The following TMEM71 variants were observed in gnomAD, a reference collection of about 807,000 sequenced individuals.
TMEM71 encodes transmembrane protein 71.
Under a neutral mutation model 38.0 loss-of-function variants are expected in TMEM71, and 44 were observed. The ratio of observed to expected loss-of-function variants is 1.16; its 90% confidence interval spans 0.91 to 1.49. The LOEUF is 1.49. Among genes scored for constraint, TMEM71 ranks in the 40% most tolerant of loss-of-function variants. The pLI, the probability that TMEM71 is intolerant of heterozygous loss-of-function variation, is 0.00. For missense variants in TMEM71, 367 were observed against 348.6 expected, an observed-to-expected ratio of 1.05 and a Z score of -0.42; for synonymous variants, 133 against 122.5, an observed-to-expected ratio of 1.09 and a Z score of -0.56.
chr8:132,721,980 A>C, intron 7 of TMEM71, 60 bp downstream of exon 7: 1 of 1,394,792 alleles, frequency 7.2e-7, no homozygotes, highest in Non-Finnish European at 1.0e-6. Flanking sequence ...GGAAATCATC[A>C]ATCAGCTATA....
chr8:132,731,146 C>T (rs1389510260), intron 5 of TMEM71, among the ~76,000 whole-genome samples: 1 of 152,056 alleles, frequency 6.6e-6, no homozygotes, highest in African/African-American at 2.4e-5. Flanking sequence ...TACTTTTTTA[C>T]AGCTGTGATA....
intron 7 of TMEM71, among the ~76,000 whole-genome samples, chr8:132,717,911 T>C (rs1384303740): frequency 1.3e-5 from 2 of 152,192 alleles, no homozygotes; most frequent in Admixed American, 6.5e-5. Context: ...TATTCTTCCA[T>C]AGAAAAGGAT....
chr8:132,714,343 G>T, intron 7 of TMEM71, 128 bp from the exon 8 acceptor site: 1 of 736,004 alleles, frequency 1.4e-6, no homozygotes, highest in East Asian at 2.5e-5. Flanking sequence ...AAAGACAGTG[G>T]TATTGGAAAA....
rs999684180 is a variant in TMEM71, at chr8:132,760,571, G to A, written c.-132C>T. The A allele has an allele frequency of 2.6e-5, 4 of 152,254 alleles. No individual in the cohort carries two copies. Among genetic ancestry groups the A allele is most frequent in the Non-Finnish European group, 4.4e-5 (3 of 68,064 alleles). The allele number at this position is 152,254 out of a possible 1,614,324, so 9.4% of individuals were successfully genotyped here. Reference sequence around the variant, plus strand: ...CTCTTGTTCTCTTGTCTGTTTCCTGGTATAAATGAGTGTATAGTTCTTGGG... The same window carrying A: ...CTCTTGTTCTCTTGTCTGTTTCCTGATATAAATGAGTGTATAGTTCTTGGG... On this transcript the variant is annotated 5_prime_UTR_variant, in exon 1 of 10. Transcript: ENST00000677595.
intron 2 of TMEM71, chr8:132,758,595 A>T: frequency 2.0e-6 from 1 of 501,014 alleles, no homozygotes; most frequent in Non-Finnish European, 3.5e-6. Context: ...TTTCACATTT[A>T]TGCACAGGCA....
At chr8:132,733,521 T>A (rs1827576228) in intron 5 of TMEM71, among the ~76,000 whole-genome samples, 1 of 152,212 alleles carries the variant, frequency 6.6e-6, no homozygotes, top group South Asian at 2.1e-4. Context: ...TTGGGGGTTT[T>A]GGACTGGGAA....
intron 5 of TMEM71, among the ~76,000 whole-genome samples, chr8:132,745,116 GA>G (rs1263587708): frequency 1.4e-4 from 21 of 152,098 alleles, no homozygotes; most frequent in Non-Finnish European, 2.2e-4. Context: ...ATCAGCCTTG[GA>G]AAATAATTTA....
chr8:132,751,436 T>G (rs1246537485), intron 4 of TMEM71, among the ~76,000 whole-genome samples: 7 of 152,240 alleles, frequency 4.6e-5, no homozygotes, highest in Non-Finnish European at 7.3e-5. Flanking sequence ...TCTCCTTTCT[T>G]TTATCCCTTC....
chr8:132,730,528 G>C (rs1827394700), intron 5 of TMEM71, among the ~76,000 whole-genome samples: 1 of 152,212 alleles, frequency 6.6e-6, no homozygotes, highest in Admixed American at 6.5e-5. Context: ...GAGATGATGG[G>C]AGTAGCCAGG....
the TMEM71 span, among the ~76,000 whole-genome samples, chr8:132,768,731 C>T: frequency 1.8e-4 from 28 of 152,320 alleles, no homozygotes; most frequent in East Asian, 5.2e-3. Context: ...AGGCAAACCA[C>T]GAGCTGTGCA....
downstream of TMEM71, among the ~76,000 whole-genome samples, chr8:132,709,146 T>C (rs1826136987): frequency 6.6e-6 from 1 of 152,190 alleles, no homozygotes; most frequent in African/African-American, 2.4e-5. Context: ...TGTAGAAAAA[T>C]GTGTGTTACA....
In TMEM71 at chr8:132,751,685, TG is replaced by T. The variant is rs1828717140; in HGVS notation, c.314+99del. The T allele has an allele frequency of 3.5e-6, 4 of 1,151,528 alleles. No individual in the cohort carries two copies. The Admixed American group carries it at 7.1e-5, about 21-fold the overall frequency. 71.3% of individuals were successfully genotyped at this position (1,151,528 alleles called of 1,614,324 possible). A position where few individuals can be genotyped will look rare whatever the true frequency, so the allele number is the denominator to read the frequency against. ...GTATTTCCACAGTCTGGAGCAATAA[TG>T]GGCTCCTTATAAAAGATAGTTGAGT... On this transcript the variant is annotated intron_variant, in intron 4 of 9. Transcript: ENST00000677595.
At position 132,747,028 on chromosome 8, in the gene TMEM71, A is replaced by T. The variant is rs547122423; in HGVS notation, c.401T>A (p.Ile134Asn). ...STSKSWLHGS[I>N]FGDINSSPSE... Reference sequence around the variant, plus strand: ...TGGAGAAGAGTTGATGTCACCAAAGATACTTCCATGCAGCCAAGATTTGGA... The same window carrying T: ...TGGAGAAGAGTTGATGTCACCAAAGTTACTTCCATGCAGCCAAGATTTGGA... The change falls in exon 5 of 10, where the codon ATC becomes AAC. Residue 134 changes from isoleucine to asparagine, a missense_variant. Physicochemically the swap from Ile to Asn is moderately radical, Grantham distance 149. Coordinates refer to ENST00000677595, the MANE Select transcript of TMEM71 (RefSeq NM_001382403.1). The T allele has an allele frequency of 5.0e-6, 8 of 1,613,768 alleles. No homozygotes were observed. Among genetic ancestry groups the T allele is most frequent in the Non-Finnish European group, 6.8e-6 (8 of 1,179,934 alleles).
rs749744093 is a variant in TMEM71 at position 132,738,879 on chromosome 8, C to T, written c.487+8063G>A. Among the ~76,000 whole-genome samples the T allele has an allele frequency of 7.0e-5, 10 of 143,160 alleles. No homozygotes were observed. In the South Asian group the frequency reaches 1.1e-3, roughly 16 times the overall value. 93.9% of individuals were successfully genotyped at this position (143,160 alleles called of 152,430 possible). ...ACATGCACACACACACACACACACA[C>T]AGGAATATATGTAAAAATTGGTGGA... On this transcript the variant is annotated intron_variant, in intron 5 of 9. Transcript: ENST00000677595.
intron 9 of TMEM71, among the ~76,000 whole-genome samples, chr8:132,712,638 G>C (rs1037307097): frequency 6.6e-6 from 1 of 151,962 alleles, no homozygotes; most frequent in Admixed American, 6.5e-5. Context: ...CCACATGCTG[G>C]GGCATTCACA....
chr8:132,747,133 A>G lies in TMEM71; in HGVS notation c.315-19T>C. The G allele has an allele frequency of 1.3e-6, 2 of 1,564,532 alleles. No homozygotes were observed. The highest frequency in any genetic ancestry group is 1.7e-6 in the Non-Finnish European group (2 of 1,156,370). On this transcript the variant is annotated intron_variant, in intron 4 of 9. Transcript: ENST00000677595. ...AAATATCCTAGAGAGAAATGAAAGCATGGTGAACAACGAATAATAGTTACC... is the reference window on the plus strand; with the variant it reads ...AAATATCCTAGAGAGAAATGAAAGCGTGGTGAACAACGAATAATAGTTACC...
At chr8:132,746,665 A>G (rs1039693792) in intron 5 of TMEM71, among the ~76,000 whole-genome samples, 8 of 151,894 alleles carry the variant, frequency 5.3e-5, no homozygotes, top group Non-Finnish European at 1.0e-4. Context: ...AATATCCCTT[A>G]CAGAAAAAAT....
intron 7 of TMEM71, among the ~76,000 whole-genome samples, chr8:132,718,398 C>CTTTTTT (rs36014367): frequency 7.8e-6 from 1 of 128,492 alleles, no homozygotes; most frequent in African/African-American, 3.0e-5. Flanking sequence ...GGGATTTTCT[C>CTTTTTT]TTTTTTTTTT....
chr8:132,713,963 C>T, intron 9 of TMEM71, 32 bp downstream of exon 9: 1 of 1,607,074 alleles, frequency 6.2e-7, no homozygotes, highest in South Asian at 1.1e-5. Context: ...CACCTTGGTC[C>T]AGACAATAAT....
Sources: gnomAD v4.1 joint callset for allele counts (sites outside exome capture counted in the v4.1 genomes callset) on GRCh38, gnomAD v4.1.1 for gene constraint, MANE v1.5 for transcripts, NCBI Gene and HGNC (gene_info 2026-07-23, HGNC 2026-07-21) for gene names.